SNRPN: variants seen among roughly 807,000 people sequenced by gnomAD.
SNRPN encodes the protein small nuclear ribonucleoprotein-associated protein N.
Under a neutral mutation model 25.2 loss-of-function variants are expected in SNRPN, and 7 were observed. That is an observed-to-expected ratio of 0.28 (90% CI 0.16 to 0.52). SNRPN has a LOEUF of 0.52. Ranked by LOEUF, SNRPN falls within the 20% of genes least tolerant of loss-of-function variation. The pLI, the probability that SNRPN is intolerant of heterozygous loss-of-function variation, is 0.96. For missense variants in SNRPN, 196 were observed against 322.5 expected (o/e 0.61, Z 3.00); for synonymous variants, 124 against 110.6 (o/e 1.12, Z -0.76).
chr15:24,890,619 C>CA (rs2057593806), intron 2 of SNRPN, among the ~76,000 whole-genome samples: 1 of 151,380 alleles, frequency 6.6e-6, no homozygotes, highest in Admixed American at 6.6e-5. Flanking sequence ...GTGGAGGTTG[C>CA]AGTGAGCCGA....
rs58343685 is a variant in SNRPN at position 24,923,881 on chromosome 15, ATGTGTGTGTG to A, written c.-391+3781_-391+3790del. ...GATTTGTTTCTTTTTAGTGCCGTGT[ATGTGTGTGTG>A]TGTGTGTGTGTGTGTGTGTGTGTAT... On this transcript the variant is annotated intron_variant, in intron 3 of 11. Transcript: ENST00000400097. 6.3e-3 allele frequency among the ~76,000 whole-genome samples: 664 copies of A among 106,124 alleles called. 2 individuals carry two copies. Among genetic ancestry groups the A allele is most frequent in the Non-Finnish European group, 8.9e-3 (506 of 56,892 alleles). The allele number at this position is 106,124 out of a possible 152,430, so 69.6% of individuals were successfully genotyped here. A position where few individuals can be genotyped will look rare whatever the true frequency, so the allele number is the denominator to read the frequency against.
intron 1 of SNRPN, among the ~76,000 whole-genome samples, chr15:24,863,010 G>C (rs2054141768): frequency 6.6e-6 from 1 of 151,042 alleles, no homozygotes; most frequent in Non-Finnish European, 1.5e-5. Flanking sequence ...CCTGCGGACT[G>C]CCTTCTGTGG....
At chr15:24,855,018 A>G (rs1240448561), upstream of SNRPN, among the ~76,000 whole-genome samples, 4 of 150,814 alleles carry the variant, frequency 2.7e-5, no homozygotes, top group South Asian at 4.2e-4. Context: ...AAAAAAAAAA[A>G]ATTCTAGTGC....
chr15:24,926,619 G>GTTT (rs34428935), intron 3 of SNRPN, among the ~76,000 whole-genome samples: 5 of 148,166 alleles, frequency 3.4e-5, no homozygotes, highest in African/African-American at 7.4e-5. Flanking sequence ...ATGGATTCTG[G>GTTT]TTTTTTTTTT....
Position 24,849,769 on chromosome 15 carries a change from AAGTT to A in SNRPN, c.-579+19868_-579+19871del, listed in dbSNP as rs2052639107. On this transcript the variant is annotated intron_variant, in intron 2 of 12. Coordinates refer to the SNRPN transcript ENST00000400100. ...AGTCTGGATGAGGGCCATCCACTGA[AAGTT>A]AGTGAATCAAAGATTTAAGATTGAT... The A allele has an allele frequency of 2.6e-5, 4 of 152,172 alleles. No homozygotes were observed. In the South Asian group the frequency reaches 8.3e-4, roughly 32 times the overall value. 9.4% of individuals were successfully genotyped at this position (152,172 alleles called of 1,614,324 possible).
At chr15:24,978,345 G>A in intron 9 of SNRPN, 27 bp downstream of exon 9, 1 of 1,614,012 alleles carries the variant, frequency 6.2e-7, no homozygotes. Flanking sequence ...GGGTTTGATG[G>A]TTCAGCCAGG....
intron 2 of SNRPN, chr15:24,848,231 TGGGGGCGGGGGCGGCGGC>T (rs1260840779): frequency 3.1e-5 from 3 of 95,488 alleles, no homozygotes; most frequent in South Asian, 8.1e-4. Context: ...GGGGCGGCGG[TGGGGGCGGGGGCGGCGGC>T]GGGGGCGGGG....
At chr15:24,917,505 C>T (rs552863262) in intron 2 of SNRPN, among the ~76,000 whole-genome samples, 34 of 152,340 alleles carry the variant, frequency 2.2e-4, no homozygotes, top group African/African-American at 7.9e-4. Flanking sequence ...TGTTCCATGC[C>T]TGCCACCTGG....
chr15:24,838,018 C>T lies in SNRPN; in HGVS notation c.-579+8113C>T, dbSNP rs374886359. Among the ~76,000 whole-genome samples, 58 of 150,614 alleles carry T rather than the reference C, an allele frequency of 3.9e-4. 1 individual carries two copies. The highest frequency in any genetic ancestry group is 1.1e-3 in the Admixed American group (16 of 15,042). On this transcript the variant is annotated intron_variant, in intron 2 of 12. Transcript: ENST00000400100. ...GATTACAGGCATGAGCCACTGTGCC[C>T]GGCCAACTCTTTATTTATTTATTTT... is the stretch of plus-strand genomic sequence containing the variant.
chr15:24,865,106 G>A (rs963190130), intron 1 of SNRPN, among the ~76,000 whole-genome samples: 26 of 150,032 alleles, frequency 1.7e-4, no homozygotes, highest in Non-Finnish European at 3.0e-4. Context: ...GAGTGCCATG[G>A]TACCATCGTG....
chr15:24,966,928 G>T (rs1432023212), intron 2 of SNRPN: 1 of 152,122 alleles, frequency 6.6e-6, no homozygotes, highest in East Asian at 1.9e-4. Flanking sequence ...ATTCATAGGG[G>T]TATGTCGAGG....
In SNRPN at chr15:24,972,451, T is replaced by G. The variant is rs191862697; in HGVS notation, c.-143-1860T>G. Among the ~76,000 whole-genome samples, 5 of 152,164 alleles carry G rather than the reference T, an allele frequency of 3.3e-5. No homozygotes were observed. In the East Asian group the frequency reaches 7.7e-4, roughly 24 times the overall value. ...TGTTTGCTTATTTGAAAAGTTCTTT[T>G]GAGATCTTTATAGGTTTTATTTAAT... On this transcript the variant is annotated intron_variant, in intron 3 of 9. Transcript: ENST00000390687.
intron 2 of SNRPN, among the ~76,000 whole-genome samples, chr15:24,840,599 G>A (rs184542825): frequency 1.3e-5 from 2 of 152,276 alleles, no homozygotes; most frequent in African/African-American, 4.8e-5. Context: ...CATTCAAAGT[G>A]TGTGGCTTTA....
intron 2 of SNRPN, 72 bp downstream of exon 2, chr15:24,962,281 A>G (rs1417778906): frequency 5.0e-6 from 6 of 1,188,604 alleles, no homozygotes; most frequent in South Asian, 4.9e-5. Flanking sequence ...ATATCATGCA[A>G]TGAGGGGATT....
chr15:24,829,650 T>A (rs1383142857), intron 1 of SNRPN: 2 of 152,280 alleles, frequency 1.3e-5, no homozygotes, highest in East Asian at 3.9e-4. Flanking sequence ...ATCCATGAGG[T>A]CTTCTGATTC....
At chr15:24,911,050 G>A in intron 2 of SNRPN, 5 of 1,511,564 alleles carry the variant, frequency 3.3e-6, no homozygotes, top group Non-Finnish European at 4.5e-6. Flanking sequence ...TTGGGGCTCT[G>A]CACCAGGTGT....
At position 24,863,030 on chromosome 15, in the gene SNRPN, C is replaced by T. The variant is rs566181835; in HGVS notation, c.-579+6314C>T. Among the ~76,000 whole-genome samples, 63 of 150,928 alleles carry T rather than the reference C, an allele frequency of 4.2e-4. 1 individual carries two copies. The highest frequency in any genetic ancestry group is 2.1e-3 in the Admixed American group (32 of 15,216). On this transcript the variant is annotated intron_variant, in intron 1 of 11. Transcript: ENST00000400097. Reference sequence around the variant, plus strand: ...GGACTGCCTTCTGTGGGGAGGAGTTCGAATGCCTTTTCTTCTTTTAAGTGT... The same window carrying T: ...GGACTGCCTTCTGTGGGGAGGAGTTTGAATGCCTTTTCTTCTTTTAAGTGT...
chr15:24,901,026 G>T (rs2058411376), intron 2 of SNRPN, among the ~76,000 whole-genome samples: 1 of 152,196 alleles, frequency 6.6e-6, no homozygotes, highest in Non-Finnish European at 1.5e-5. Context: ...AGCCCTGGAG[G>T]TTGAGGGTGC....
rs536219921 is a variant in SNRPN, at chr15:24,878,815, A to AT, written c.-578-7700dup. 4.3e-4 allele frequency among the ~76,000 whole-genome samples: 66 copies of AT among 152,222 alleles called. No individual in the cohort carries two copies. In the East Asian group the frequency reaches 0.012, roughly 27 times the overall value. ...ATACTGAACTTGTCATTTTTAAGAA[A>AT]TGAGATACTACTTTAATCATTTCTG... On this transcript the variant is annotated intron_variant, in intron 1 of 11. Coordinates refer to the SNRPN transcript ENST00000400097.
Sources: gnomAD v4.1 joint callset for allele counts (sites outside exome capture counted in the v4.1 genomes callset) on GRCh38, gnomAD v4.1.1 for gene constraint, MANE v1.5 for transcripts, NCBI Gene and HGNC (gene_info 2026-07-23, HGNC 2026-07-21) for gene names.